The following ZNF804A variants were observed in gnomAD, a reference collection of about 807,000 sequenced individuals.
The protein encoded by ZNF804A is zinc finger protein 804A.
ZNF804A carries 2 observed loss-of-function variants against 16.5 expected under a neutral mutation model. The observed-to-expected ratio is 0.12, with a 90% CI of 0.05 to 0.38. The LOEUF is 0.38. Among genes scored for constraint, ZNF804A ranks in the 10% least tolerant of loss-of-function variants. ZNF804A has a pLI of 0.99. For missense variants in ZNF804A, 1,473 were observed against 1,390.7 expected, an observed-to-expected ratio of 1.06 and a Z score of -0.94; for synonymous variants, 534 against 489.6, an observed-to-expected ratio of 1.09 and a Z score of -1.20.
intron 1 of ZNF804A, among the ~76,000 whole-genome samples, chr2:184,711,973 T>A (rs1263117896): frequency 1.3e-5 from 2 of 151,762 alleles, no homozygotes; most frequent in South Asian, 4.1e-4. Context: ...TTATGAATAT[T>A]AGTATAATTA....
At chr2:184,664,321 CATGT>C (rs1336426863) in intron 1 of ZNF804A, among the ~76,000 whole-genome samples, 1 of 152,070 alleles carries the variant, frequency 6.6e-6, no homozygotes, top group Non-Finnish European at 1.5e-5. Flanking sequence ...AGATATTCAT[CATGT>C]ATGTTGAAGA....
chr2:184,661,322 C>T (rs1029567556), intron 1 of ZNF804A, among the ~76,000 whole-genome samples: 1 of 152,268 alleles, frequency 6.6e-6, no homozygotes, highest in Admixed American at 6.5e-5. Flanking sequence ...AGCTCTTTCA[C>T]TCGCACCAAC....
chr2:184,719,283 C>T (rs1313442138), intron 1 of ZNF804A, among the ~76,000 whole-genome samples: 2 of 151,980 alleles, frequency 1.3e-5, no homozygotes, highest in African/African-American at 4.8e-5. Flanking sequence ...ACCCATGAAA[C>T]CATTTTTTTT....
At position 184,598,954 on chromosome 2, in the gene ZNF804A, T is replaced by C. The variant is rs749172695; in HGVS notation, c.-6T>C. 6.5e-7 allele frequency: 1 copy of C among 1,547,134 alleles called. No homozygotes were observed. The highest frequency in any genetic ancestry group is 8.7e-7 in the Non-Finnish European group (1 of 1,143,804). On this transcript the variant is annotated 5_prime_UTR_variant, in exon 1 of 4. Transcript: ENST00000302277. ...CGGCTGCGGCGGAGGAGGCGGCGGC[T>C]GCCCCATGGAGTGTTACTACATTGT...
intron 1 of ZNF804A, among the ~76,000 whole-genome samples, chr2:184,745,664 A>G (rs998575234): frequency 5.9e-5 from 9 of 151,608 alleles, no homozygotes; most frequent in Non-Finnish European, 1.3e-4. Context: ...AGGCATTAAC[A>G]GATATCCCAT....
At chr2:184,663,607 C>G (rs939539244) in intron 1 of ZNF804A, among the ~76,000 whole-genome samples, 1 of 152,000 alleles carries the variant, frequency 6.6e-6, no homozygotes, top group African/African-American at 2.4e-5. Context: ...CAGGGATGGC[C>G]GGAAGCAATG....
chr2:184,918,731 A>C (rs1376185304), intron 2 of ZNF804A, among the ~76,000 whole-genome samples: 1 of 152,148 alleles, frequency 6.6e-6, no homozygotes, highest in Non-Finnish European at 1.5e-5. Flanking sequence ...ACATATACAA[A>C]GGTTTATGTA....
rs1574225393 is a variant in ZNF804A, at chr2:184,815,912, T to C, written c.112-50457T>C. ...TATTTGTGTTGCTGTGGCATGTTAG[T>C]TTGTGGCCTCTTGTCAATTTGTCTT... is the stretch of plus-strand genomic sequence containing the variant. On this transcript the variant is annotated intron_variant, in intron 1 of 3. Transcript: ENST00000302277. Among the ~76,000 whole-genome samples, 3 of 152,120 alleles carry C rather than the reference T, an allele frequency of 2.0e-5. No individual in the cohort carries two copies. The East Asian group carries it at 5.8e-4, about 29-fold the overall frequency.
intron 1 of ZNF804A, among the ~76,000 whole-genome samples, chr2:184,741,847 A>G (rs1693713446): frequency 6.6e-6 from 1 of 152,088 alleles, no homozygotes; most frequent in Non-Finnish European, 1.5e-5. Flanking sequence ...GCAAAATGTT[A>G]ATTGTGTCTT....
chr2:184,649,617 A>T (rs1409573303), intron 1 of ZNF804A, among the ~76,000 whole-genome samples: 1 of 152,022 alleles, frequency 6.6e-6, no homozygotes, highest in Non-Finnish European at 1.5e-5. Context: ...GAAATACAAA[A>T]GATCCTCAGA....
At chr2:184,905,394 T>A (rs1430302325) in intron 2 of ZNF804A, among the ~76,000 whole-genome samples, 3 of 152,130 alleles carry the variant, frequency 2.0e-5, no homozygotes, top group African/African-American at 7.2e-5. Flanking sequence ...TTTAGGATAA[T>A]CATATAACAG....
chr2:184,613,890 C>T (rs1691278090), intron 1 of ZNF804A, among the ~76,000 whole-genome samples: 1 of 152,136 alleles, frequency 6.6e-6, no homozygotes, highest in Admixed American at 6.5e-5. Flanking sequence ...ATGCTATCCC[C>T]ATCAAGCTAC....
At chr2:184,821,201 G>A (rs576378493) in intron 1 of ZNF804A, among the ~76,000 whole-genome samples, 166 of 152,112 alleles carry the variant, frequency 1.1e-3, no homozygotes, top group Non-Finnish European at 1.9e-3. Flanking sequence ...GCATGGTACT[G>A]GTACAAAGAC....
At chr2:184,807,700 A>G (rs954431293) in intron 1 of ZNF804A, among the ~76,000 whole-genome samples, 15 of 151,698 alleles carry the variant, frequency 9.9e-5, no homozygotes, top group Admixed American at 3.3e-4. Context: ...TTTTTTCCCA[A>G]TTGGTTTGAA....
At chr2:184,865,388 A>G (rs1695864505) in intron 1 of ZNF804A, among the ~76,000 whole-genome samples, 2 of 151,978 alleles carry the variant, frequency 1.3e-5, no homozygotes, top group East Asian at 3.9e-4. Context: ...ATTGAATTGA[A>G]CACTGCATCT....
At chr2:184,835,087 T>C (rs750507621) in intron 1 of ZNF804A, among the ~76,000 whole-genome samples, 6 of 152,144 alleles carry the variant, frequency 3.9e-5, no homozygotes, top group Non-Finnish European at 5.9e-5. Context: ...ATTAACAGGA[T>C]AGAAGAAGAC....
chr2:184,816,724 C>T (rs1305773749), intron 1 of ZNF804A, among the ~76,000 whole-genome samples: 2 of 151,968 alleles, frequency 1.3e-5, no homozygotes, highest in African/African-American at 4.8e-5. Context: ...AGTGTTGTCT[C>T]ATCATGCTGT....
Position 184,938,801 on chromosome 2 carries a change from C to T in ZNF804A, c.3405C>T (p.Ile1135=). The part of the protein sequence containing the change: ...LQPHQQFLSQ[I]PALTRTSLPQ... The stretch of plus-strand genomic sequence containing the variant: ...CACACCAACAGTTTCTTTCCCAAAT[C>T]CCAGCTCTCACCAGAACCTCATTAC... The change falls in exon 4 of 4, where the codon ATC becomes ATT. Residue 1135 remains isoleucine (I), a synonymous_variant. Transcript: ENST00000302277. 1 of 1,613,836 alleles carries T rather than the reference C, an allele frequency of 6.2e-7. No homozygotes were observed. Among genetic ancestry groups the T allele is most frequent in the Non-Finnish European group, 8.5e-7 (1 of 1,179,884 alleles).
chr2:184,786,563 G>A (rs1694451905), intron 1 of ZNF804A, among the ~76,000 whole-genome samples: 2 of 151,858 alleles, frequency 1.3e-5, no homozygotes, highest in Admixed American at 1.3e-4. Flanking sequence ...AATTAGAAGG[G>A]CCAGGTTTTG....
Sources: allele counts gnomAD v4.1 joint callset (sites outside exome capture counted in the v4.1 genomes callset), GRCh38; gene constraint gnomAD v4.1.1; transcripts MANE v1.5; gene names NCBI Gene and HGNC (gene_info 2026-07-23, HGNC 2026-07-21).